The following FSIP1 variants were observed in gnomAD, a reference collection of about 807,000 sequenced individuals.
FSIP1 encodes fibrous sheath-interacting protein 1.
In FSIP1, 65 loss-of-function variants were observed where a neutral mutation model predicts 60.9. The ratio of observed to expected loss-of-function variants is 1.07; its 90% confidence interval spans 0.87 to 1.31. FSIP1 has a LOEUF of 1.31. Among genes scored for constraint, FSIP1 ranks in the 40% most tolerant of loss-of-function variants. The pLI, the probability that FSIP1 is intolerant of heterozygous loss-of-function variation, is 0.00. For synonymous variants in FSIP1, 209 were observed against 221.2 expected, an observed-to-expected ratio of 0.94 and a Z score of 0.49; for missense variants, 675 against 665.5, an observed-to-expected ratio of 1.01 and a Z score of -0.16.
chr15:39,627,998 C>T (rs548479386), intron 10 of FSIP1, among the ~76,000 whole-genome samples: 17 of 152,352 alleles, frequency 1.1e-4, no homozygotes, highest in African/African-American at 4.1e-4. Flanking sequence ...CCTCTGCAGA[C>T]TGTCAACAAG....
In FSIP1 at chr15:39,706,731, G is replaced by T. The variant is rs573536117; in HGVS notation, c.1188+6713C>A. Among the ~76,000 whole-genome samples the T allele has an allele frequency of 1.3e-5, 2 of 151,860 alleles. 1 individual carries two copies. Among genetic ancestry groups the T allele is most frequent in the Admixed American group, 1.3e-4 (2 of 15,232 alleles). The stretch of plus-strand genomic sequence containing the variant: ...TACAAAAAGTTAATTTCCTTTCTCC[G>T]CCTCCCCATCCATCCCGATCCCCGC... On this transcript the variant is annotated intron_variant, in intron 10 of 11. Transcript: ENST00000350221.
intron 3 of FSIP1, among the ~76,000 whole-genome samples, chr15:39,767,881 T>C (rs1203921453): frequency 6.6e-6 from 1 of 152,148 alleles, no homozygotes; most frequent in Non-Finnish European, 1.5e-5. Context: ...CAAGCCAACA[T>C]GTGATTCGAT....
intron 10 of FSIP1, among the ~76,000 whole-genome samples, chr15:39,623,730 C>T (rs1034770676): frequency 2.4e-4 from 36 of 152,192 alleles, no homozygotes; most frequent in African/African-American, 8.4e-4. Flanking sequence ...TCATGGACAA[C>T]GACAAGCAGG....
intron 10 of FSIP1, among the ~76,000 whole-genome samples, chr15:39,699,546 TA>T (rs1156939064): frequency 6.6e-6 from 1 of 152,244 alleles, no homozygotes; most frequent in Non-Finnish European, 1.5e-5. Flanking sequence ...ATATCTTTTC[TA>T]AAAGTTTAGT....
At chr15:39,656,211 A>G (rs181887391) in intron 10 of FSIP1, among the ~76,000 whole-genome samples, 3 of 152,344 alleles carry the variant, frequency 2.0e-5, no homozygotes, top group Non-Finnish European at 4.4e-5. Context: ...AATGTAAGGA[A>G]GAAAAAAGGC....
intron 10 of FSIP1, among the ~76,000 whole-genome samples, chr15:39,633,091 C>CGTTTTTTT (rs1329095029): frequency 1.9e-4 from 21 of 112,886 alleles, no homozygotes; most frequent in African/African-American, 7.4e-4. Flanking sequence ...GGCTATACTT[C>CGTTTTTTT]TTTTTTTTTT....
chr15:39,779,359 GGTTTCTGGAT>G (rs1477978756), intron 1 of FSIP1, among the ~76,000 whole-genome samples: 6 of 152,002 alleles, frequency 3.9e-5, no homozygotes, highest in African/African-American at 1.4e-4. Context: ...TGGATTGGTG[GGTTTCTGGAT>G]GTTCTTGTCC....
chr15:39,671,959 C>T (rs1240356533), intron 10 of FSIP1, among the ~76,000 whole-genome samples: 1 of 152,172 alleles, frequency 6.6e-6, no homozygotes, highest in Non-Finnish European at 1.5e-5. Flanking sequence ...GAGAATCCAA[C>T]TAGAGTCACC....
At chr15:39,674,110 A>G (rs895119784) in intron 10 of FSIP1, among the ~76,000 whole-genome samples, 2 of 150,184 alleles carry the variant, frequency 1.3e-5, no homozygotes, top group Admixed American at 6.6e-5. Context: ...GCTGGAGTGC[A>G]GTGGCGCGAT....
chr15:39,607,796 G>A (rs539287628), intron 11 of FSIP1, among the ~76,000 whole-genome samples: 1 of 152,300 alleles, frequency 6.6e-6, no homozygotes, highest in East Asian at 1.9e-4. Flanking sequence ...GCTATTGAAA[G>A]AGAAAACAAT....
chr15:39,671,419 T>G (rs1566878532), intron 10 of FSIP1, among the ~76,000 whole-genome samples: 1 of 152,146 alleles, frequency 6.6e-6, no homozygotes, highest in East Asian at 1.9e-4. Flanking sequence ...AAACCAACTG[T>G]GTGGAATGAG....
chr15:39,601,495 C>T (rs961774014), intron 11 of FSIP1, among the ~76,000 whole-genome samples: 3 of 152,192 alleles, frequency 2.0e-5, no homozygotes, highest in Non-Finnish European at 4.4e-5. Flanking sequence ...GCTTTAGAAA[C>T]AGTCTGGCAG....
chr15:39,609,527 C>T (rs1044490189), intron 11 of FSIP1, among the ~76,000 whole-genome samples: 33 of 152,200 alleles, frequency 2.2e-4, no homozygotes. Flanking sequence ...TGGCCCCACC[C>T]AACCCCAGCA....
chr15:39,679,997 G>C (rs1894095625), intron 10 of FSIP1, among the ~76,000 whole-genome samples: 1 of 152,160 alleles, frequency 6.6e-6, no homozygotes, highest in African/African-American at 2.4e-5. Flanking sequence ...ATCTGAAGTA[G>C]TGAACTCTTG....
At chr15:39,714,331 T>C (rs1895650979) in intron 9 of FSIP1, among the ~76,000 whole-genome samples, 2 of 152,072 alleles carry the variant, frequency 1.3e-5, no homozygotes, top group Admixed American at 6.6e-5. Flanking sequence ...GGGCATTTCT[T>C]GATAGGAATT....
intron 10 of FSIP1, among the ~76,000 whole-genome samples, chr15:39,638,519 C>T (rs1892224247): frequency 6.6e-6 from 1 of 152,152 alleles, no homozygotes; most frequent in African/African-American, 2.4e-5. Context: ...AAACACACGG[C>T]GATTTCTCAT....
intron 5 of FSIP1, among the ~76,000 whole-genome samples, chr15:39,743,473 A>G (rs1324223462): frequency 6.6e-6 from 1 of 152,222 alleles, no homozygotes; most frequent in African/African-American, 2.4e-5. Flanking sequence ...ATCTCCCTTT[A>G]GAAAATTCTT....
At chr15:39,707,988 G>C (rs1487829608) in intron 10 of FSIP1, among the ~76,000 whole-genome samples, 1 of 152,196 alleles carries the variant, frequency 6.6e-6, no homozygotes, top group Non-Finnish European at 1.5e-5. Flanking sequence ...TGAAGTACCA[G>C]AGACAAACAT....
chr15:39,755,695 T>C (rs1477487465), intron 5 of FSIP1, among the ~76,000 whole-genome samples: 1 of 152,140 alleles, frequency 6.6e-6, no homozygotes, highest in Non-Finnish European at 1.5e-5. Flanking sequence ...GTATCATATA[T>C]CTGAGTCTCA....
Sources: gnomAD v4.1 joint callset for allele counts (sites outside exome capture counted in the v4.1 genomes callset) on GRCh38, gnomAD v4.1.1 for gene constraint, MANE v1.5 for transcripts, NCBI Gene and HGNC (gene_info 2026-07-23, HGNC 2026-07-21) for gene names.